The following ETNK1 variants were observed in gnomAD, a reference collection of about 807,000 sequenced individuals.
ETNK1 encodes putative protein product of Nbla10396.
In ETNK1, 8 loss-of-function variants were observed where a neutral mutation model predicts 45.1. That is an observed-to-expected ratio of 0.18 (90% CI 0.10 to 0.32). The LOEUF is 0.32. ETNK1 is among the 10% of genes least tolerant of loss of function. The probability of loss-of-function intolerance (pLI) is 1.00; values close to 1 mark genes in which losing one functional copy is unlikely to be tolerated. For missense variants in ETNK1, 302 were observed against 430.6 expected, an observed-to-expected ratio of 0.70 and a Z score of 2.64; for synonymous variants, 152 against 151.9, an observed-to-expected ratio of 1.00 and a Z score of -0.01.
chr12:22,631,428 A>G (rs1953579122), intron 1 of ETNK1, among the ~76,000 whole-genome samples: 1 of 151,452 alleles, frequency 6.6e-6, no homozygotes, highest in Admixed American at 6.6e-5. Flanking sequence ...ACCTTCCTCA[A>G]CCTCCCAAAG....
intron 1 of ETNK1, among the ~76,000 whole-genome samples, chr12:22,632,180 G>A (rs1440766565): frequency 6.6e-6 from 1 of 151,528 alleles, no homozygotes; most frequent in Non-Finnish European, 1.5e-5. Flanking sequence ...TCTTTGTACA[G>A]GAAACCGTAT....
At chr12:22,684,756 C>A in intron 7 of ETNK1, 126 bp from the exon 8 acceptor site, 1 of 831,198 alleles carries the variant, frequency 1.2e-6, no homozygotes, top group Non-Finnish European at 1.9e-6. Flanking sequence ...GTGCAATAAA[C>A]TAAAAATATG....
At chr12:22,661,276 A>G in intron 4 of ETNK1, 71 bp downstream of exon 4, 6 of 1,316,584 alleles carry the variant, frequency 4.6e-6, no homozygotes, top group Admixed American at 2.6e-5. Context: ...TTATCTCTAT[A>G]TCAACAAAAT....
chr12:22,647,225 T>C (rs1953818543), intron 2 of ETNK1, among the ~76,000 whole-genome samples: 1 of 151,936 alleles, frequency 6.6e-6, no homozygotes, highest in African/African-American at 2.4e-5. Flanking sequence ...GAAATTTGCC[T>C]CTTGTCAAGA....
intron 2 of ETNK1, among the ~76,000 whole-genome samples, chr12:22,652,305 T>C (rs1021497956): frequency 2.6e-5 from 4 of 152,240 alleles, no homozygotes; most frequent in Admixed American, 2.6e-4. Flanking sequence ...TGAATAATGT[T>C]GCTGTGAACA....
At chr12:22,625,845 G>T (rs1057197180) in intron 1 of ETNK1, 10 of 687,500 alleles carry the variant, frequency 1.5e-5, no homozygotes, top group Non-Finnish European at 2.4e-5. Flanking sequence ...ACCCATCCAC[G>T]GGGGGAGATT....
chr12:22,647,382 T>C (rs1417002434), intron 2 of ETNK1, among the ~76,000 whole-genome samples: 2 of 151,808 alleles, frequency 1.3e-5, no homozygotes, highest in Non-Finnish European at 2.9e-5. Context: ...GCATGTACAG[T>C]TGGTAGTGTT....
intron 1 of ETNK1, among the ~76,000 whole-genome samples, chr12:22,629,547 T>G (rs1953548088): frequency 6.6e-6 from 1 of 152,154 alleles, no homozygotes; most frequent in Admixed American, 6.5e-5. Flanking sequence ...TATTTTATAT[T>G]GGTCTTTGCC....
At chr12:22,654,773 T>TAAC (rs149678022) in intron 2 of ETNK1, among the ~76,000 whole-genome samples, 7,109 of 152,280 alleles carry the variant, frequency 0.047, 539 homozygotes, top group African/African-American at 0.16. Flanking sequence ...ACATTTTAAT[T>TAAC]AACAATATAT....
chr12:22,659,274 A>G (rs772804708), intron 3 of ETNK1, 120 bp downstream of exon 3: 9 of 1,007,138 alleles, frequency 8.9e-6, no homozygotes, highest in Non-Finnish European at 1.1e-5. Context: ...GCATTGAAGT[A>G]AAGTAAGCAT....
intron 6 of ETNK1, among the ~76,000 whole-genome samples, chr12:22,679,707 T>G (rs886240949): frequency 4.6e-5 from 7 of 150,818 alleles, no homozygotes; most frequent in African/African-American, 1.2e-4. Flanking sequence ...TTTTTGTTTT[T>G]TTTTTTTTTT....
intron 4 of ETNK1, among the ~76,000 whole-genome samples, chr12:22,669,990 TTA>T (rs1295197414): frequency 1.3e-5 from 2 of 152,070 alleles, no homozygotes; most frequent in African/African-American, 2.4e-5. Flanking sequence ...AAGTTTAGAA[TTA>T]TATATTAAAT....
intron 6 of ETNK1, among the ~76,000 whole-genome samples, chr12:22,680,366 TTTAA>T (rs1196290628): frequency 6.6e-6 from 1 of 152,226 alleles, no homozygotes; most frequent in Non-Finnish European, 1.5e-5. Context: ...GTAATTAGAA[TTTAA>T]TTAATTAGAT....
chr12:22,671,436 G>A (rs1954105885), intron 5 of ETNK1, 81 bp downstream of exon 5: 2 of 892,480 alleles, frequency 2.2e-6, no homozygotes, highest in Non-Finnish European at 3.6e-6. Flanking sequence ...TAGATAAACC[G>A]TGAGCAGGGG....
chr12:22,639,114 G>T (rs1455963662), intron 1 of ETNK1, among the ~76,000 whole-genome samples: 1 of 152,108 alleles, frequency 6.6e-6, no homozygotes, highest in East Asian at 1.9e-4. Context: ...TAGACTGTAT[G>T]CTATTGACTA....
intron 1 of ETNK1, chr12:22,626,114 C>G (rs981491275): frequency 3.1e-6 from 1 of 327,048 alleles, no homozygotes; most frequent in African/African-American, 2.2e-5. Flanking sequence ...ATCGCTAGGT[C>G]GGTTCTTAGG....
chr12:22,625,953 C>T, intron 1 of ETNK1: 1 of 516,202 alleles, frequency 1.9e-6, no homozygotes, highest in South Asian at 1.6e-5. Flanking sequence ...CTACCTCCTC[C>T]CCTCCCACCA....
intron 4 of ETNK1, among the ~76,000 whole-genome samples, 174 bp downstream of exon 4, chr12:22,661,379 ATATT>A (rs1953997991): frequency 1.3e-5 from 2 of 152,156 alleles, no homozygotes; most frequent in East Asian, 3.8e-4. Flanking sequence ...TTTAGGATAT[ATATT>A]CTTTTTATAT....
chr12:22,682,966 T>G (rs1469500424), intron 6 of ETNK1, among the ~76,000 whole-genome samples: 1 of 152,218 alleles, frequency 6.6e-6, no homozygotes, highest in Non-Finnish European at 1.5e-5. Flanking sequence ...CTTTTTTAGA[T>G]AGAAGACCAT....
Sources: allele counts gnomAD v4.1 joint callset (sites outside exome capture counted in the v4.1 genomes callset), GRCh38; gene constraint gnomAD v4.1.1; transcripts MANE v1.5; gene names NCBI Gene and HGNC (gene_info 2026-07-23, HGNC 2026-07-21).